The following FTCDNL1 variants were observed in gnomAD, a reference collection of about 807,000 sequenced individuals.
The protein encoded by FTCDNL1 is formiminotransferase N-terminal subdomain-containing protein.
FTCDNL1 carries 11 observed loss-of-function variants against 5.9 expected under a neutral mutation model. The ratio of observed to expected loss-of-function variants is 1.87; its 90% CI spans 1.18 to 3.10. The LOEUF (loss-of-function observed/expected upper bound fraction) is 3.10, where lower values mean the gene tolerates loss of function less well. Among genes scored for constraint, FTCDNL1 ranks in the 30% most tolerant of loss-of-function variants. The pLI, the probability that FTCDNL1 is intolerant of heterozygous loss-of-function variation, is 0.00. For synonymous variants in FTCDNL1, 58 were observed against 24.8 expected, an observed-to-expected ratio of 2.34 and a Z score of -3.99; for missense variants, 115 against 65.5, an observed-to-expected ratio of 1.76 and a Z score of -2.61.
intron 3 of FTCDNL1, among the ~76,000 whole-genome samples, chr2:199,821,996 T>C (rs998164847): frequency 6.6e-6 from 1 of 152,240 alleles, no homozygotes; most frequent in East Asian, 1.9e-4. Context: ...GCAAGTCACA[T>C]AAATTTTTTG....
chr2:199,789,759 A>G (rs1402416542), intron 3 of FTCDNL1, among the ~76,000 whole-genome samples: 3 of 152,170 alleles, frequency 2.0e-5, no homozygotes, highest in Non-Finnish European at 4.4e-5. Flanking sequence ...AATAAAATTG[A>G]CAAGGTAGCT....
In FTCDNL1 at chr2:199,823,221, C is replaced by A. The variant is rs896513870; in HGVS notation, c.212-3464G>T. Among the ~76,000 whole-genome samples the A allele has an allele frequency of 5.3e-5, 8 of 152,282 alleles. No homozygotes were observed. The East Asian group carries it at 1.5e-3, about 29-fold the overall frequency. On this transcript the variant is annotated intron_variant, in intron 3 of 4. Coordinates refer to ENST00000420128, the MANE Select transcript of FTCDNL1 (RefSeq NM_001363886.2). Reference sequence around the variant, plus strand: ...AGTTTCCACTTCTACTTTTAGTTTTCTTGCTATTTTCACCACATCTGCAGT... The same window carrying A: ...AGTTTCCACTTCTACTTTTAGTTTTATTGCTATTTTCACCACATCTGCAGT...
intron 3 of FTCDNL1, among the ~76,000 whole-genome samples, chr2:199,793,360 C>T (rs1267684755): frequency 1.3e-5 from 2 of 151,656 alleles, no homozygotes; most frequent in African/African-American, 2.4e-5. Context: ...TGAGAATAGA[C>T]GGAGGAGGGG....
intron 3 of FTCDNL1, among the ~76,000 whole-genome samples, chr2:199,787,365 G>A (rs1453083642): frequency 1.3e-5 from 2 of 151,936 alleles, no homozygotes; most frequent in Non-Finnish European, 2.9e-5. Context: ...TGTATTTTTA[G>A]TAGAGACGGG....
At chr2:199,681,490 T>A in the FTCDNL1 span, among the ~76,000 whole-genome samples, 1 of 152,140 alleles carries the variant, frequency 6.6e-6, no homozygotes, top group South Asian at 2.1e-4. Flanking sequence ...TCTGTCTGAA[T>A]GTTTGCAGGC....
chr2:199,849,615 A>G (rs1272642377), intron 1 of FTCDNL1, among the ~76,000 whole-genome samples: 1 of 152,250 alleles, frequency 6.6e-6, no homozygotes, highest in African/African-American at 2.4e-5. Flanking sequence ...GATACATATT[A>G]TTCAATAATA....
chr2:199,684,337 A>T, the FTCDNL1 span, among the ~76,000 whole-genome samples: 1 of 152,154 alleles, frequency 6.6e-6, no homozygotes, highest in Non-Finnish European at 1.5e-5. Context: ...GGAATTCAAA[A>T]ATTTTTACTG....
At chr2:199,676,537 T>C in the FTCDNL1 span, among the ~76,000 whole-genome samples, 1 of 151,820 alleles carries the variant, frequency 6.6e-6, no homozygotes, top group Non-Finnish European at 1.5e-5. Context: ...CACTTATTTA[T>C]CAATATGCTT....
intron 3 of FTCDNL1, among the ~76,000 whole-genome samples, chr2:199,779,726 A>C (rs923593021): frequency 3.3e-5 from 5 of 152,178 alleles, no homozygotes; most frequent in Non-Finnish European, 7.4e-5. Flanking sequence ...TGTGTACCCC[A>C]GGTAGGGGCA....
At chr2:199,750,672 G>C in the FTCDNL1 span, among the ~76,000 whole-genome samples, 122 of 152,304 alleles carry the variant, frequency 8.0e-4, 1 homozygote, top group African/African-American at 2.7e-3. Flanking sequence ...GTGAATCAGA[G>C]AGCCAGGTAG....
chr2:199,677,188 T>C, the FTCDNL1 span, among the ~76,000 whole-genome samples: 1 of 152,190 alleles, frequency 6.6e-6, no homozygotes, highest in East Asian at 1.9e-4. Flanking sequence ...AACGAAGCTA[T>C]AGCTGGACTA....
the FTCDNL1 span, among the ~76,000 whole-genome samples, chr2:199,723,743 T>C: frequency 6.6e-6 from 1 of 152,194 alleles, no homozygotes. Flanking sequence ...CCAACTTGAT[T>C]GCGGTGGATA....
the FTCDNL1 span, among the ~76,000 whole-genome samples, chr2:199,740,435 G>GC: frequency 6.6e-6 from 1 of 152,184 alleles, no homozygotes; most frequent in Non-Finnish European, 1.5e-5. Context: ...CTTATTTTCT[G>GC]CCCCATTCCC....
intron 4 of FTCDNL1, among the ~76,000 whole-genome samples, chr2:199,816,006 AAAAGAAAG>A (rs59036985): frequency 3.4e-5 from 5 of 148,904 alleles, no homozygotes; most frequent in South Asian, 2.1e-4. Context: ...TCTCAAAAAA[AAAAGAAAG>A]AAAGAAAGAA....
chr2:199,818,895 A>G (rs1487331883), intron 4 of FTCDNL1: 3 of 152,232 alleles, frequency 2.0e-5, no homozygotes, highest in Non-Finnish European at 2.9e-5. Context: ...AATAAGTGAC[A>G]CTAGGATGGT....
intron 3 of FTCDNL1, among the ~76,000 whole-genome samples, chr2:199,761,311 C>T (rs1271371665): frequency 6.6e-6 from 1 of 152,210 alleles, no homozygotes; most frequent in Non-Finnish European, 1.5e-5. Flanking sequence ...AGGCGATCTG[C>T]CATGGACCTG....
chr2:199,677,896 G>C, the FTCDNL1 span, among the ~76,000 whole-genome samples: 1 of 152,150 alleles, frequency 6.6e-6, no homozygotes, highest in African/African-American at 2.4e-5. Context: ...ATAGATGAGA[G>C]AAACAGTTCC....
In FTCDNL1 at chr2:199,848,946, A is replaced by G. The variant is rs1293044231; in HGVS notation, c.17T>C (p.Val6Ala). 11 of 701,860 alleles carry G rather than the reference A, an allele frequency of 1.6e-5. No individual in the cohort carries two copies. The highest frequency in any genetic ancestry group is 2.9e-5 in the Non-Finnish European group (11 of 384,710). 43.5% of individuals were successfully genotyped at this position (701,860 alleles called of 1,614,324 possible). The change falls in exon 2 of 5, where the codon GTG becomes GCG. Residue 6 changes from valine (V) to alanine (A), a missense_variant. Transcript: ENST00000420128. ...TAAACAGGCAGCCAAACGGAGCCCC[A>G]CTCTGGAAGAAGACATGATTTTTCT... MSSSRVGLRLAACLLN... is the reference protein window; with the variant it reads MSSSRAGLRLAACLLN...
chr2:199,816,814 A>G (rs1468394964), intron 4 of FTCDNL1, among the ~76,000 whole-genome samples: 1 of 152,158 alleles, frequency 6.6e-6, no homozygotes, highest in Non-Finnish European at 1.5e-5. Flanking sequence ...TTCAATATTT[A>G]TTTTGGCTGT....
Sources: allele counts gnomAD v4.1 joint callset (sites outside exome capture counted in the v4.1 genomes callset), GRCh38; gene constraint gnomAD v4.1.1; transcripts MANE v1.5; gene names NCBI Gene and HGNC (gene_info 2026-07-23, HGNC 2026-07-21).